The following TTC27 variants were observed in gnomAD, a reference collection of about 807,000 sequenced individuals.
TTC27 encodes the protein tetratricopeptide repeat protein 27.
TTC27 carries 79 observed loss-of-function variants against 115.9 expected under a neutral mutation model. The observed-to-expected ratio is 0.68, with a 90% CI of 0.57 to 0.82. TTC27 has a LOEUF of 0.82. Ranked by LOEUF, TTC27 falls within the 40% of genes least tolerant of loss-of-function variation. The pLI is 0.00. For synonymous variants in TTC27, 401 were observed against 356.0 expected (o/e 1.13, Z -1.42); for missense variants, 1,054 against 993.1 (o/e 1.06, Z -0.82).
At chr2:32,742,146 G>A (rs1464030912) in intron 12 of TTC27, among the ~76,000 whole-genome samples, 1 of 152,066 alleles carries the variant, frequency 6.6e-6, no homozygotes, top group African/African-American at 2.4e-5. Flanking sequence ...TTACTAAGTG[G>A]CAGTTTTGGA....
intron 12 of TTC27, among the ~76,000 whole-genome samples, chr2:32,749,769 A>G (rs921708830): frequency 1.3e-5 from 2 of 152,234 alleles, no homozygotes; most frequent in Non-Finnish European, 2.9e-5. Context: ...CTTTCTCTCA[A>G]AAATGGGCAT....
intron 5 of TTC27, among the ~76,000 whole-genome samples, chr2:32,655,849 T>TA (rs1330074089): frequency 6.6e-6 from 1 of 152,154 alleles, no homozygotes; most frequent in African/African-American, 2.4e-5. Context: ...AGAGCTGTAC[T>TA]ATTCAATATG....
At chr2:32,816,391 G>T (rs566979444) in intron 18 of TTC27, among the ~76,000 whole-genome samples, 2 of 152,164 alleles carry the variant, frequency 1.3e-5, no homozygotes, top group South Asian at 4.2e-4. Context: ...TCCTTGCGCT[G>T]TTTAGTGTCA....
At chr2:32,660,820 G>A (rs2952843) in intron 5 of TTC27, among the ~76,000 whole-genome samples, 52,073 of 151,956 alleles carry the variant, frequency 0.34, 9,993 homozygotes, top group Non-Finnish European at 0.44. Context: ...TGCTTTTGGT[G>A]TTTTAGACAT....
In TTC27 at chr2:32,811,066, G is replaced by T. The variant is rs778321394; in HGVS notation, c.2041G>T (p.Asp681Tyr). The T allele has an allele frequency of 7.4e-6, 12 of 1,614,180 alleles. No individual in the cohort carries two copies. The Admixed American group carries it at 2.0e-4, about 27-fold the overall frequency. The change falls in exon 17 of 20, where the codon GAT becomes TAT. Residue 681 changes from aspartate to tyrosine, a missense_variant. Physicochemically the swap from Asp to Tyr is radical, Grantham distance 160. Transcript: ENST00000317907. ...LVRAVIDGMT[D>Y]RSGDVATGLK... ...CAGGGCAGTGATTGATGGGATGACT[G>T]ATCGAAGTGGAGATGTTGCAACTGG...
At chr2:32,743,082 C>G (rs1668699277) in intron 12 of TTC27, among the ~76,000 whole-genome samples, 1 of 152,060 alleles carries the variant, frequency 6.6e-6, no homozygotes, top group African/African-American at 2.4e-5. Context: ...ATCTCTGGGT[C>G]TAGAGCTTAT....
intron 12 of TTC27, among the ~76,000 whole-genome samples, chr2:32,756,089 G>T (rs886448509): frequency 4.6e-5 from 7 of 152,196 alleles, no homozygotes; most frequent in African/African-American, 1.4e-4. Context: ...TGCCCCAGGA[G>T]TACATTGCCT....
intron 12 of TTC27, 45 bp from the exon 13 acceptor site, chr2:32,758,247 C>A: frequency 6.5e-7 from 1 of 1,530,892 alleles, no homozygotes; most frequent in Non-Finnish European, 8.9e-7. Flanking sequence ...AAAAAAATAG[C>A]AGTTAATCAC....
chr2:32,641,929 C>T (rs2151864161), intron 4 of TTC27, among the ~76,000 whole-genome samples: 1 of 152,306 alleles, frequency 6.6e-6, no homozygotes, highest in African/African-American at 2.4e-5. Flanking sequence ...GATCTTGACT[C>T]ACTGCAAGCT....
chr2:32,747,516 A>G (rs1668870750), intron 12 of TTC27, among the ~76,000 whole-genome samples: 1 of 152,206 alleles, frequency 6.6e-6, no homozygotes, highest in Non-Finnish European at 1.5e-5. Flanking sequence ...GAATGATTAT[A>G]TGGGTACTTG....
rs1670373613 is a variant in TTC27, at chr2:32,787,085, T to A, written c.1934T>A (p.Phe645Tyr). The change falls in exon 16 of 20, where the codon TTT becomes TAT. Residue 645 changes from phenylalanine to tyrosine, a missense_variant. Phe to Tyr is a conservative substitution (Grantham distance 22, BLOSUM62 3). Transcript: ENST00000317907. ...CTCACCAGCACTGACGTTGGGGAATTTTCAGAAGCCATTAAAGCTTATCAC... is the reference window on the plus strand; with the variant it reads ...CTCACCAGCACTGACGTTGGGGAATATTCAGAAGCCATTAAAGCTTATCAC... ...YILTSTDVGEFSEAIKAYHRL... is the reference protein window; with the variant it reads ...YILTSTDVGEYSEAIKAYHRL... 1 of 1,613,994 alleles carries A rather than the reference T, an allele frequency of 6.2e-7. No homozygotes were observed. The highest frequency in any genetic ancestry group is 8.5e-7 in the Non-Finnish European group (1 of 1,180,012).
At chr2:32,637,827 C>T (rs1453093585) in intron 3 of TTC27, among the ~76,000 whole-genome samples, 1 of 152,204 alleles carries the variant, frequency 6.6e-6, no homozygotes, top group East Asian at 1.9e-4. Flanking sequence ...TCAGTACCTC[C>T]AGTTGGGGTT....
At chr2:32,672,428 T>A (rs970994878) in intron 8 of TTC27, 44 bp downstream of exon 8, 13 of 1,399,538 alleles carry the variant, frequency 9.3e-6, no homozygotes, top group Non-Finnish European at 1.3e-5. Flanking sequence ...CTTTGCATAT[T>A]GATTCTCTTA....
intron 10 of TTC27, among the ~76,000 whole-genome samples, chr2:32,719,010 A>G (rs1667839089): frequency 6.6e-6 from 1 of 152,198 alleles, no homozygotes; most frequent in South Asian, 2.1e-4. Context: ...CCTAGGGGGC[A>G]GAGGAGGCAT....
intron 9 of TTC27, among the ~76,000 whole-genome samples, chr2:32,688,749 G>A (rs541665382): frequency 1.3e-5 from 2 of 152,210 alleles, no homozygotes; most frequent in Admixed American, 6.5e-5. Context: ...ATAACACTTT[G>A]TGGGGTAGTT....
chr2:32,730,644 G>C (rs1668263361), intron 10 of TTC27, among the ~76,000 whole-genome samples: 1 of 139,812 alleles, frequency 7.2e-6, no homozygotes, highest in African/African-American at 2.7e-5. Flanking sequence ...TTTTTCTTGA[G>C]ACAGTCTCAC....
chr2:32,797,186 A>G (rs1333922357), intron 16 of TTC27, among the ~76,000 whole-genome samples: 3 of 151,262 alleles, frequency 2.0e-5, no homozygotes, highest in Non-Finnish European at 4.4e-5. Context: ...AAAAAAAAAA[A>G]AAAAAGAGAC....
At chr2:32,790,193 G>A (rs1477547735) in intron 16 of TTC27, among the ~76,000 whole-genome samples, 1 of 151,720 alleles carries the variant, frequency 6.6e-6, no homozygotes, top group Admixed American at 6.6e-5. Flanking sequence ...GCAAAATTGT[G>A]TTCTGATTCC....
intron 13 of TTC27, among the ~76,000 whole-genome samples, chr2:32,772,318 A>G (rs1045792509): frequency 6.6e-6 from 1 of 152,158 alleles, no homozygotes; most frequent in African/African-American, 2.4e-5. Context: ...TTTCCTCTAG[A>G]TCTCTTTTGA....
Sources: allele counts gnomAD v4.1 joint callset (sites outside exome capture counted in the v4.1 genomes callset), GRCh38; gene constraint gnomAD v4.1.1; transcripts MANE v1.5; gene names NCBI Gene and HGNC (gene_info 2026-07-23, HGNC 2026-07-21).